The following USP15 variants were observed in gnomAD, a reference collection of about 807,000 sequenced individuals.
The protein encoded by USP15 is ubiquitin carboxyl-terminal hydrolase 15.
Under a neutral mutation model 127.1 loss-of-function variants are expected in USP15, and 18 were observed. The ratio of observed to expected loss-of-function variants is 0.14; its 90% CI spans 0.10 to 0.21. The LOEUF (loss-of-function observed/expected upper bound fraction) is 0.21. Ranked by LOEUF, USP15 falls within the 10% of genes least tolerant of loss-of-function variation. The pLI is 1.00. For missense variants in USP15, 805 were observed against 1,159.9 expected (o/e 0.69, Z 4.44); for synonymous variants, 364 against 393.7 (o/e 0.92, Z 0.89).
At chr12:62,355,868 A>T (rs1400678950) in intron 8 of USP15, among the ~76,000 whole-genome samples, 1 of 149,992 alleles carries the variant, frequency 6.7e-6, no homozygotes, top group African/African-American at 2.4e-5. Flanking sequence ...AAAATTTTAA[A>T]AAGGAAAATC....
At chr12:62,328,230 T>C in intron 6 of USP15, 1 of 430,970 alleles carries the variant, frequency 2.3e-6, no homozygotes. Flanking sequence ...ATAAGATTAA[T>C]TTATAAAAAG....
At chr12:62,273,594 G>A (rs1171500567) in intron 1 of USP15, among the ~76,000 whole-genome samples, 3 of 152,008 alleles carry the variant, frequency 2.0e-5, no homozygotes, top group African/African-American at 7.2e-5. Flanking sequence ...GATTTCAGGA[G>A]ATAAGAATAT....
intron 8 of USP15, among the ~76,000 whole-genome samples, chr12:62,358,424 C>A (rs1040880693): frequency 6.6e-6 from 1 of 152,010 alleles, no homozygotes; most frequent in Non-Finnish European, 1.5e-5. Flanking sequence ...AATAACAATA[C>A]AACAGTTTGT....
At chr12:62,285,130 G>T (rs2063753760) in intron 1 of USP15, among the ~76,000 whole-genome samples, 1 of 152,012 alleles carries the variant, frequency 6.6e-6, no homozygotes, top group African/African-American at 2.4e-5. Context: ...ATAGATTTAG[G>T]GACTACAAAT....
chr12:62,370,389 A>G (rs1464118419), intron 8 of USP15, among the ~76,000 whole-genome samples: 3 of 152,096 alleles, frequency 2.0e-5, no homozygotes, highest in East Asian at 3.9e-4. Context: ...CTCCCATTCA[A>G]TAGTCCTTAT....
intron 7 of USP15, 28 bp from the exon 8 acceptor site, chr12:62,355,303 T>A: frequency 4.5e-6 from 7 of 1,564,874 alleles, no homozygotes; most frequent in Non-Finnish European, 5.2e-6. Context: ...TATAATTGGC[T>A]GCATTATGAA....
intron 8 of USP15, among the ~76,000 whole-genome samples, chr12:62,367,239 T>G (rs2066508254): frequency 6.6e-6 from 1 of 152,030 alleles, no homozygotes; most frequent in Non-Finnish European, 1.5e-5. Flanking sequence ...TTGTTTGTTT[T>G]TTGTTTTTTT....
chr12:62,325,661 T>C (rs1385029322), intron 5 of USP15, among the ~76,000 whole-genome samples: 1 of 152,140 alleles, frequency 6.6e-6, no homozygotes, highest in African/African-American at 2.4e-5. Context: ...TCCTTCTCAC[T>C]ATCATTACTG....
intron 1 of USP15, among the ~76,000 whole-genome samples, chr12:62,283,830 T>C (rs1188901979): frequency 3.3e-5 from 5 of 152,158 alleles, no homozygotes. Context: ...TAATCCCAGC[T>C]ACTCTGGAGG....
intron 8 of USP15, among the ~76,000 whole-genome samples, chr12:62,359,718 A>G (rs1447265303): frequency 6.6e-6 from 1 of 151,956 alleles, no homozygotes; most frequent in Non-Finnish European, 1.5e-5. Flanking sequence ...CAACCCTTTA[A>G]TTTCTGAACT....
intron 19 of USP15, among the ~76,000 whole-genome samples, chr12:62,394,116 CTCTT>C (rs1334963460): frequency 1.3e-5 from 2 of 152,216 alleles, no homozygotes; most frequent in Non-Finnish European, 2.9e-5. Context: ...CACTTTATCT[CTCTT>C]TTTTTCTTCC....
At chr12:62,306,289 G>T (rs931346209) in intron 3 of USP15, among the ~76,000 whole-genome samples, 6 of 152,140 alleles carry the variant, frequency 3.9e-5, no homozygotes, top group Non-Finnish European at 7.4e-5. Context: ...TACTAATCAT[G>T]GTACCTGTAA....
chr12:62,392,284 C>T lies in USP15; in HGVS notation c.2317C>T (p.His773Tyr). ...DENAAEDFEK[H>Y]ESVEYKPPKK... ...TACTTCTCTTTAGGACTTTGAAAAACATGAAAGTGTGGAGTATAAACCTCC... is the reference window on the plus strand; with the variant it reads ...TACTTCTCTTTAGGACTTTGAAAAATATGAAAGTGTGGAGTATAAACCTCC... The change falls in exon 18 of 22, where the codon CAT becomes TAT. Residue 773 changes from histidine to tyrosine, a missense_variant. Around this residue, in one of 11 missense-constraint regions of USP15, gnomAD observed 225 missense variants for 239.5 expected, o/e 0.94. Transcript: ENST00000280377. 2 of 1,593,798 alleles carry T rather than the reference C, an allele frequency of 1.3e-6. No homozygotes were observed. The highest frequency in any genetic ancestry group is 2.3e-5 in the South Asian group (2 of 87,048).
At chr12:62,383,798 C>T in intron 9 of USP15, 42 bp from the exon 10 acceptor site, 1 of 1,584,804 alleles carries the variant, frequency 6.3e-7, no homozygotes, top group South Asian at 1.2e-5. Context: ...AAAAATCAAC[C>T]CTGTTCCTAG....
At chr12:62,367,346 C>A (rs2066512634) in intron 8 of USP15, among the ~76,000 whole-genome samples, 1 of 152,132 alleles carries the variant, frequency 6.6e-6, no homozygotes, top group Non-Finnish European at 1.5e-5. Context: ...ATTCTCCTGC[C>A]TCAGCCTCCC....
chr12:62,351,326 GGTTT>G (rs978369517), intron 7 of USP15, among the ~76,000 whole-genome samples: 43 of 150,554 alleles, frequency 2.9e-4, no homozygotes, highest in Admixed American at 2.0e-4. Flanking sequence ...CTCGTAATTT[GGTTT>G]GTATTACATG....
chr12:62,282,788 G>A (rs1035053831), intron 1 of USP15, among the ~76,000 whole-genome samples: 3 of 152,170 alleles, frequency 2.0e-5, no homozygotes, highest in Admixed American at 2.0e-4. Flanking sequence ...CCCGCAGAAA[G>A]TGAAACTGCA....
In USP15 at chr12:62,391,319, A is replaced by G; in HGVS notation, c.2123A>G (p.Lys708Arg). ...DTCKGQLTGH[K>R]KRLFTFQFNN... is the part of the protein sequence containing the mutation. The stretch of plus-strand genomic sequence containing the variant: ...TGCAAAGGTCAACTCACGGGACACA[A>G]AAAACGATTGTTTACATTCCAGTTC... The change falls in exon 16 of 22, where the codon AAA becomes AGA. Residue 708 changes from lysine (K) to arginine (R), a missense_variant. Lys to Arg is a conservative substitution (Grantham distance 26). This residue lies in a region of USP15 where 225 missense variants were observed against 239.5 expected (regional missense o/e 0.94). Coordinates refer to ENST00000280377, the MANE Select transcript of USP15 (RefSeq NM_001252078.2). The G allele has an allele frequency of 6.2e-7, 1 of 1,613,630 alleles. No individual in the cohort carries two copies.
intron 1 of USP15, among the ~76,000 whole-genome samples, chr12:62,271,405 CTT>C (rs1292054518): frequency 6.6e-6 from 1 of 151,848 alleles, no homozygotes; most frequent in Non-Finnish European, 1.5e-5. Context: ...TGATAATTTT[CTT>C]TAGGTGCTTG....
Sources: gnomAD v4.1 joint callset for allele counts (sites outside exome capture counted in the v4.1 genomes callset) on GRCh38, gnomAD v4.1.1 for gene constraint, gnomAD v4.1.1 regional missense constraint, MANE v1.5 for transcripts, NCBI Gene and HGNC (gene_info 2026-07-23, HGNC 2026-07-21) for gene names.